The following CHD1L variants were observed in gnomAD, a reference collection of about 807,000 sequenced individuals.
CHD1L encodes the protein ATP-dependent chromatin remodeler CHD1L.
Under a neutral mutation model 115.9 loss-of-function variants are expected in CHD1L, and 118 were observed. That is an observed-to-expected ratio of 1.02 (90% CI 0.88 to 1.19). The LOEUF (loss-of-function observed/expected upper bound fraction) is 1.19, where lower values mean the gene tolerates loss of function less well. Among genes scored for constraint, CHD1L ranks in the 50% most tolerant of loss-of-function variants. The pLI, the probability that CHD1L is intolerant of heterozygous loss-of-function variation, is 0.00. For missense variants in CHD1L, 1,179 were observed against 1,065.3 expected (o/e 1.11, Z -1.49); for synonymous variants, 411 against 387.1 (o/e 1.06, Z -0.72).
At chr1:147,203,926 C>A in the CHD1L span, 1 of 1,485,826 alleles carries the variant, frequency 6.7e-7, no homozygotes, top group South Asian at 1.1e-5. Flanking sequence ...CAGGAGGTGT[C>A]AATCTAGGAA....
chr1:147,276,315 G>A, intron 14 of CHD1L, 58 bp downstream of exon 14: 1 of 1,553,092 alleles, frequency 6.4e-7, no homozygotes. Flanking sequence ...TTGTGGAGGA[G>A]AATGTAAATG....
chr1:147,290,820 T>A (rs6665847), intron 19 of CHD1L, among the ~76,000 whole-genome samples: 36,756 of 151,942 alleles, frequency 0.24, 4,829 homozygotes, highest in Non-Finnish European at 0.29. Flanking sequence ...AACCTAACTT[T>A]TTCTTATTTT....
At chr1:147,275,982 C>T in intron 13 of CHD1L, 122 bp from the exon 14 acceptor site, 2 of 974,402 alleles carry the variant, frequency 2.1e-6, no homozygotes, top group East Asian at 2.4e-5. Flanking sequence ...ACCAATCTCC[C>T]TTTCATTGTA....
At chr1:147,292,291 T>A (rs970759371) in intron 20 of CHD1L, among the ~76,000 whole-genome samples, 2 of 152,216 alleles carry the variant, frequency 1.3e-5, no homozygotes, top group Non-Finnish European at 2.9e-5. Flanking sequence ...TAGTCAGCCA[T>A]AATAAAGCAG....
upstream of CHD1L, among the ~76,000 whole-genome samples, chr1:147,241,044 G>GTC (rs1664822402): frequency 6.6e-6 from 1 of 151,910 alleles, no homozygotes; most frequent in Non-Finnish European, 1.5e-5. Flanking sequence ...ACCCACAAGT[G>GTC]TGGAGGGGCA....
chr1:147,285,517 A>T (rs1553965000), intron 17 of CHD1L, 30 bp downstream of exon 17: 3 of 1,596,460 alleles, frequency 1.9e-6, no homozygotes, highest in Non-Finnish European at 8.5e-7. Flanking sequence ...GCTGGCGGCC[A>T]CAGTTGAAGG....
intron 8 of CHD1L, 101 bp downstream of exon 8, chr1:147,266,188 T>A: frequency 8.8e-7 from 1 of 1,131,882 alleles, no homozygotes; most frequent in Non-Finnish European, 1.2e-6. Flanking sequence ...CCCAAGAATA[T>A]GGGATGGAAT....
chr1:147,271,134 C>A, intron 11 of CHD1L, 129 bp downstream of exon 11: 2 of 770,078 alleles, frequency 2.6e-6, no homozygotes, highest in Non-Finnish European at 4.2e-6. Flanking sequence ...TATTCAGAAC[C>A]AAAAAATCAA....
chr1:147,284,874 G>T (rs1367311600), intron 16 of CHD1L, among the ~76,000 whole-genome samples: 1 of 152,124 alleles, frequency 6.6e-6, no homozygotes, highest in Non-Finnish European at 1.5e-5. Flanking sequence ...ACAGTGTTTG[G>T]CAGTTAACGT....
At chr1:147,187,065 T>C in the CHD1L span, 335 of 1,614,162 alleles carry the variant, frequency 2.1e-4, 2 homozygotes, top group African/African-American at 3.7e-3. Context: ...CATCCCACTT[T>C]CCAGGGCCCT....
At chr1:147,267,786 C>T (rs1674529613) in intron 9 of CHD1L, among the ~76,000 whole-genome samples, 1 of 152,144 alleles carries the variant, frequency 6.6e-6, no homozygotes, top group Non-Finnish European at 1.5e-5. Flanking sequence ...TGCCATGTCT[C>T]TTTATTCTTC....
intron 9 of CHD1L, 143 bp downstream of exon 9, chr1:147,267,661 T>C (rs1674484201): frequency 3.2e-6 from 2 of 625,104 alleles, no homozygotes; most frequent in Middle Eastern, 2.6e-4. Context: ...TATTAACTCA[T>C]ATATTCATGT....
chr1:147,285,825 T>C (rs1220335447), intron 17 of CHD1L, among the ~76,000 whole-genome samples: 1 of 152,144 alleles, frequency 6.6e-6, no homozygotes, highest in Non-Finnish European at 1.5e-5. Context: ...ACCTCCCTAG[T>C]AGCTGGGAAC....
At chr1:147,178,626 C>T in the CHD1L span, 7 of 1,594,590 alleles carry the variant, frequency 4.4e-6, no homozygotes, top group Non-Finnish European at 6.0e-6. Flanking sequence ...ACTCCGAGTT[C>T]CTAAAAGCAG....
chr1:147,179,489 CAAG>C, the CHD1L span: 3 of 1,575,320 alleles, frequency 1.9e-6, no homozygotes, highest in Non-Finnish European at 1.7e-6. Context: ...CTCCAGCCAA[CAAG>C]AAGCTAAATC....
intron 14 of CHD1L, 68 bp from the exon 15 acceptor site, chr1:147,279,958 C>T: frequency 1.3e-6 from 2 of 1,541,550 alleles, no homozygotes; most frequent in South Asian, 2.3e-5. Flanking sequence ...TCCACTTAGC[C>T]AATCACTGAT....
At chr1:147,225,407 G>A in the CHD1L span, 1,606 of 194,332 alleles carry the variant, frequency 8.3e-3, 26 homozygotes, top group African/African-American at 0.034. Context: ...ACGGGGAGGG[G>A]CTGTAGCACT....
rs1686840683 is a variant in CHD1L at position 147,294,502 on chromosome 1, G to T, written c.2600G>T (p.Gly867Val). The T allele has an allele frequency of 6.2e-7, 1 of 1,611,302 alleles. No individual in the cohort carries two copies. The highest frequency in any genetic ancestry group is 1.7e-5 in the Admixed American group (1 of 59,526). ...RLIRKHLAAR[G>V]IPTYIYYFPR... is the part of the protein sequence containing the mutation. ...ATTCGGAAACATCTGGCTGCAAGAG[G>T]CATCCCAACTTACATGTATCCTTTT... The change falls in exon 22 of 23, where the codon GGC becomes GTC. Residue 867 changes from glycine to valine, a missense_variant. Gly to Val is a moderately radical substitution (Grantham distance 109). Transcript: ENST00000369258.
upstream of CHD1L, among the ~76,000 whole-genome samples, chr1:147,237,798 A>C (rs1312580509): frequency 1.3e-5 from 2 of 152,232 alleles, no homozygotes; most frequent in African/African-American, 4.8e-5. Context: ...ATTCTGGGTG[A>C]CCAATGTGAT....
Sources: gnomAD v4.1 joint callset for allele counts (sites outside exome capture counted in the v4.1 genomes callset) on GRCh38, gnomAD v4.1.1 for gene constraint, MANE v1.5 for transcripts, NCBI Gene and HGNC (gene_info 2026-07-23, HGNC 2026-07-21) for gene names.